Variants in GPC5 observed in about 807,000 individuals in gnomAD.
The protein encoded by GPC5 is glypican-5.
GPC5 carries 47 observed loss-of-function variants against 53.9 expected under a neutral mutation model. That is an observed-to-expected ratio of 0.87 (90% CI 0.69 to 1.11). The LOEUF (loss-of-function observed/expected upper bound fraction) is 1.11. Among genes scored for constraint, GPC5 ranks in the 50% most tolerant of loss-of-function variants. GPC5 has a pLI of 0.00. For missense variants in GPC5, 748 were observed against 713.1 expected, an observed-to-expected ratio of 1.05 and a Z score of -0.56; for synonymous variants, 286 against 263.3, an observed-to-expected ratio of 1.09 and a Z score of -0.84.
chr13:91,848,062 A>C (rs1006967277), intron 5 of GPC5, among the ~76,000 whole-genome samples: 2 of 152,210 alleles, frequency 1.3e-5, no homozygotes, highest in Non-Finnish European at 2.9e-5. Context: ...GATAAAAATC[A>C]GTTCACAGTG....
chr13:92,809,717 A>G (rs548976547), intron 7 of GPC5, among the ~76,000 whole-genome samples: 5 of 152,316 alleles, frequency 3.3e-5, no homozygotes, highest in African/African-American at 1.2e-4. Context: ...CTGACCACAG[A>G]TCACCATAAC....
intron 7 of GPC5, among the ~76,000 whole-genome samples, chr13:92,653,496 CT>C: frequency 6.6e-6 from 1 of 152,254 alleles, no homozygotes; most frequent in South Asian, 2.1e-4. Flanking sequence ...TTTGTATTTC[CT>C]TTCTAACCCC....
chr13:92,637,229 TTTAG>T (rs1297706417), intron 7 of GPC5, among the ~76,000 whole-genome samples: 1 of 152,154 alleles, frequency 6.6e-6, no homozygotes, highest in Non-Finnish European at 1.5e-5. Context: ...GATTGCAAAA[TTTAG>T]TTCTCCATGT....
rs145975291 is a variant in GPC5 at position 92,503,489 on chromosome 13, G to C, written c.1561+358500G>C. ...CTTGGATTATCTAAGATTCCATCTAGAAAAAAGAGCAAAGTAAACTCCACA... is the reference window on the plus strand; with the variant it reads ...CTTGGATTATCTAAGATTCCATCTACAAAAAAGAGCAAAGTAAACTCCACA... On this transcript the variant is annotated intron_variant, in intron 7 of 7. Coordinates refer to ENST00000377067, the MANE Select transcript of GPC5 (RefSeq NM_004466.6). Among the ~76,000 whole-genome samples, 603 of 151,258 alleles carry C rather than the reference G, an allele frequency of 4.0e-3. 7 individuals are homozygous for C. The highest frequency in any genetic ancestry group is 0.014 in the African/African-American group (587 of 41,286).
intron 7 of GPC5, among the ~76,000 whole-genome samples, chr13:92,256,756 A>G (rs1325765728): frequency 6.6e-6 from 1 of 151,842 alleles, no homozygotes; most frequent in Non-Finnish European, 1.5e-5. Context: ...GTTTTCTTCC[A>G]TTAAAAAAAA....
At chr13:92,180,771 C>A in intron 7 of GPC5, 1 of 212,588 alleles carries the variant, frequency 4.7e-6, no homozygotes, top group Non-Finnish European at 9.5e-6. Context: ...ACACCGTTCA[C>A]CACTAATTTC....
chr13:91,705,493 G>GTC (rs763958425), intron 3 of GPC5, among the ~76,000 whole-genome samples: 3 of 152,160 alleles, frequency 2.0e-5, no homozygotes, highest in Non-Finnish European at 4.4e-5. Context: ...AGTGACATTT[G>GTC]TCTGTACAGT....
intron 7 of GPC5, among the ~76,000 whole-genome samples, chr13:92,478,443 T>C (rs1879230092): frequency 6.6e-6 from 1 of 152,130 alleles, no homozygotes; most frequent in African/African-American, 2.4e-5. Flanking sequence ...AAATAAACAA[T>C]AACTATTTGA....
At chr13:92,168,910 T>C (rs1363812149) in intron 7 of GPC5, among the ~76,000 whole-genome samples, 1 of 152,116 alleles carries the variant, frequency 6.6e-6, no homozygotes, top group African/African-American at 2.4e-5. Context: ...CTATTCACAA[T>C]AGCAAAGACA....
At chr13:91,415,155 C>T (rs1048168150) in intron 1 of GPC5, among the ~76,000 whole-genome samples, 3 of 152,130 alleles carry the variant, frequency 2.0e-5, no homozygotes, top group Non-Finnish European at 4.4e-5. Context: ...TCTGACTTCC[C>T]TCTGCTTGGG....
chr13:91,757,618 C>A (rs547921955), intron 5 of GPC5, among the ~76,000 whole-genome samples: 4 of 152,224 alleles, frequency 2.6e-5, no homozygotes, highest in African/African-American at 7.2e-5. Flanking sequence ...TTGCTGCTGC[C>A]ATGTGAAGAA....
chr13:92,059,488 C>T (rs1054427175), intron 6 of GPC5, among the ~76,000 whole-genome samples: 1 of 151,762 alleles, frequency 6.6e-6, no homozygotes, highest in Non-Finnish European at 1.5e-5. Flanking sequence ...TTATATATAC[C>T]TATACCCTAG....
intron 7 of GPC5, among the ~76,000 whole-genome samples, chr13:92,619,437 G>A (rs1260897313): frequency 2.0e-5 from 3 of 151,848 alleles, no homozygotes; most frequent in Non-Finnish European, 4.4e-5. Flanking sequence ...TTATTCTTAG[G>A]TTAACACACT....
intron 7 of GPC5, among the ~76,000 whole-genome samples, chr13:92,615,447 G>A (rs1884648670): frequency 6.6e-6 from 1 of 152,146 alleles, no homozygotes; most frequent in African/African-American, 2.4e-5. Context: ...AGGATTACTG[G>A]GAGGGAACAT....
chr13:92,057,215 A>T (rs1006718551), intron 6 of GPC5, among the ~76,000 whole-genome samples: 1 of 152,200 alleles, frequency 6.6e-6, no homozygotes, highest in South Asian at 2.1e-4. Context: ...AATTCTTTTG[A>T]CAGCTCCAGG....
intron 7 of GPC5, among the ~76,000 whole-genome samples, chr13:92,640,266 T>C (rs533005394): frequency 6.6e-6 from 1 of 152,006 alleles, no homozygotes; most frequent in Non-Finnish European, 1.5e-5. Context: ...GTTGTTTTGT[T>C]TTGTTTTGTT....
At chr13:91,787,600 G>A (rs1380149160) in intron 5 of GPC5, among the ~76,000 whole-genome samples, 1 of 152,100 alleles carries the variant, frequency 6.6e-6, no homozygotes, top group African/African-American at 2.4e-5. Context: ...TCGCTGATTG[G>A]GATGTAAAGA....
chr13:91,813,611 A>G (rs751568082), intron 5 of GPC5, among the ~76,000 whole-genome samples: 7 of 152,316 alleles, frequency 4.6e-5, no homozygotes, highest in Admixed American at 3.3e-4. Context: ...TTTTCAAATC[A>G]GGAGTGGGGG....
intron 6 of GPC5, among the ~76,000 whole-genome samples, chr13:91,909,905 T>C (rs1235325995): frequency 1.3e-5 from 2 of 152,116 alleles, no homozygotes; most frequent in Non-Finnish European, 2.9e-5. Flanking sequence ...GAAGTCATCC[T>C]ACCTTTCTTT....
Sources: allele counts gnomAD v4.1 joint callset (sites outside exome capture counted in the v4.1 genomes callset), GRCh38; gene constraint gnomAD v4.1.1; transcripts MANE v1.5; gene names NCBI Gene and HGNC (gene_info 2026-07-23, HGNC 2026-07-21).